FAT3: variants seen among roughly 807,000 people sequenced by gnomAD.
FAT3 encodes protocadherin Fat 3.
FAT3 carries 95 observed loss-of-function variants against 310.2 expected under a neutral mutation model. That is an observed-to-expected ratio of 0.31 (90% confidence interval 0.26 to 0.36). FAT3 has a LOEUF of 0.36. Among genes scored for constraint, FAT3 ranks in the 10% least tolerant of loss-of-function variants. The probability of loss-of-function intolerance (pLI) is 1.00; values close to 1 mark genes in which losing one functional copy is unlikely to be tolerated. For synonymous variants in FAT3, 2,314 were observed against 2,192.9 expected, an observed-to-expected ratio of 1.06 and a Z score of -1.54; for missense variants, 5,408 against 5,715.6, an observed-to-expected ratio of 0.95 and a Z score of 1.74.
At position 92,850,430 on chromosome 11, in the gene FAT3, G is replaced by A. The variant is rs77399080; in HGVS notation, c.11365+5698G>A. On this transcript the variant is annotated intron_variant, in intron 19 of 27. Transcript: ENST00000525166. ...GAGGTCTTGAATGAAATTGCACTTG[G>A]CCTTTAGTGAAATCATACAGAAAAT... Among the ~76,000 whole-genome samples the A allele has an allele frequency of 7.1e-3, 1,075 of 152,216 alleles. 6 individuals carry two copies. Among genetic ancestry groups the A allele is most frequent in the African/African-American group, 0.024 (1,010 of 41,522 alleles).
chr11:92,636,552 TAAA>T (rs1314007181), intron 3 of FAT3, among the ~76,000 whole-genome samples: 1 of 152,154 alleles, frequency 6.6e-6, no homozygotes, highest in Non-Finnish European at 1.5e-5. Context: ...TAGTAGCTCT[TAAA>T]AAAACATTTT....
chr11:92,507,189 G>A (rs529529708), intron 2 of FAT3, among the ~76,000 whole-genome samples: 25 of 152,132 alleles, frequency 1.6e-4, no homozygotes, highest in African/African-American at 2.9e-4. Context: ...AATACAAGGC[G>A]GGATGTGTGT....
At chr11:92,421,368 A>G (rs779295792) in intron 2 of FAT3, among the ~76,000 whole-genome samples, 2 of 152,304 alleles carry the variant, frequency 1.3e-5, no homozygotes, top group East Asian at 3.9e-4. Context: ...AAATTAGAGA[A>G]GATGTCTGGT....
chr11:92,888,346 T>G (rs1166047441), intron 25 of FAT3, among the ~76,000 whole-genome samples: 1 of 152,146 alleles, frequency 6.6e-6, no homozygotes, highest in African/African-American at 2.4e-5. Flanking sequence ...GTTTGCACTT[T>G]ATATAGAAAT....
At chr11:92,400,608 C>A (rs1231659932) in intron 2 of FAT3, 2 of 151,864 alleles carry the variant, frequency 1.3e-5, no homozygotes. Flanking sequence ...TTCTTATAAA[C>A]AGCGCTATGA....
At chr11:92,818,212 T>C (rs1159206396) in intron 13 of FAT3, among the ~76,000 whole-genome samples, 1 of 152,038 alleles carries the variant, frequency 6.6e-6, no homozygotes, top group African/African-American at 2.4e-5. Context: ...AGGAAAACAA[T>C]ATACATTCAG....
At chr11:92,722,696 A>G (rs1944898263) in intron 4 of FAT3, among the ~76,000 whole-genome samples, 1 of 152,086 alleles carries the variant, frequency 6.6e-6, no homozygotes, top group Non-Finnish European at 1.5e-5. Context: ...ATTTCTCTAT[A>G]TCTTCTGAAA....
chr11:92,891,144 G>A lies in FAT3; in HGVS notation c.*31G>A, dbSNP rs1949910919. ...ACATCTTGGGTACTTCACCCTGTTTGTTACAGAAAAGTGGAAGCAGATTGG... is the reference window on the plus strand; with the variant it reads ...ACATCTTGGGTACTTCACCCTGTTTATTACAGAAAAGTGGAAGCAGATTGG... On this transcript the variant is annotated 3_prime_UTR_variant, in exon 28 of 28. Transcript: ENST00000525166. 3 of 1,601,730 alleles carry A rather than the reference G, an allele frequency of 1.9e-6. 1 individual carries two copies.
chr11:92,698,641 A>G (rs1267796740), intron 4 of FAT3, among the ~76,000 whole-genome samples: 1 of 152,184 alleles, frequency 6.6e-6, no homozygotes, highest in Non-Finnish European at 1.5e-5. Flanking sequence ...ATCCTTTTAA[A>G]ACATTACTAT....
At chr11:92,479,927 G>A (rs1407686917) in intron 2 of FAT3, among the ~76,000 whole-genome samples, 4 of 152,116 alleles carry the variant, frequency 2.6e-5, no homozygotes, top group South Asian at 4.2e-4. Context: ...ACAGTGCTAC[G>A]GTGGGAATCC....
chr11:92,512,585 A>G lies in FAT3; in HGVS notation c.3293-12049A>G, dbSNP rs1037280108. Among the ~76,000 whole-genome samples the G allele has an allele frequency of 1.6e-4, 24 of 147,290 alleles. 1 individual carries two copies. Among genetic ancestry groups the G allele is most frequent in the Admixed American group, 1.2e-3 (18 of 14,674 alleles). ...TATATAAATTATATTTTAAATTTTT[A>G]TATATTAAATATGTTTTAATGTATA... On this transcript the variant is annotated intron_variant, in intron 2 of 27. Coordinates refer to ENST00000525166, the MANE Select transcript of FAT3 (RefSeq NM_001367949.2).
At chr11:92,446,265 T>C (rs1256617410) in intron 2 of FAT3, among the ~76,000 whole-genome samples, 1 of 152,210 alleles carries the variant, frequency 6.6e-6, no homozygotes, top group Non-Finnish European at 1.5e-5. Flanking sequence ...TACTATTCCC[T>C]AGTATACATG....
intron 3 of FAT3, among the ~76,000 whole-genome samples, chr11:92,639,938 T>C (rs976281676): frequency 1.3e-5 from 2 of 152,130 alleles, no homozygotes; most frequent in South Asian, 4.1e-4. Flanking sequence ...CCATGGACAA[T>C]GCCAGGCCAG....
intron 1 of FAT3, chr11:92,314,198 A>G (rs1947378085): frequency 1.9e-6 from 1 of 516,086 alleles, no homozygotes; most frequent in Non-Finnish European, 2.5e-6. Flanking sequence ...TACTTGGTCC[A>G]ATCCTAGGAA....
intron 3 of FAT3, among the ~76,000 whole-genome samples, chr11:92,582,497 T>A (rs558523262): frequency 6.6e-6 from 1 of 152,178 alleles, no homozygotes; most frequent in Admixed American, 6.6e-5. Flanking sequence ...TATATTTTAA[T>A]TTGATAATTC....
chr11:92,460,739 A>G (rs944010712), intron 2 of FAT3, among the ~76,000 whole-genome samples: 2 of 152,184 alleles, frequency 1.3e-5, no homozygotes, highest in Non-Finnish European at 2.9e-5. Context: ...CACATGCACA[A>G]CACATGCACC....
intron 3 of FAT3, among the ~76,000 whole-genome samples, chr11:92,539,596 A>G (rs1170996774): frequency 1.3e-5 from 2 of 152,178 alleles, no homozygotes; most frequent in Non-Finnish European, 2.9e-5. Flanking sequence ...CAGGCTGTTT[A>G]CAAGACAAAA....
chr11:92,590,534 C>T (rs192720805), intron 3 of FAT3, among the ~76,000 whole-genome samples: 35 of 152,214 alleles, frequency 2.3e-4, no homozygotes, highest in African/African-American at 7.5e-4. Flanking sequence ...TACAGTTTCT[C>T]ATAATAAAAG....
chr11:92,253,009 C>T (rs549087163), intron 1 of FAT3, among the ~76,000 whole-genome samples: 1 of 152,234 alleles, frequency 6.6e-6, no homozygotes, highest in East Asian at 1.9e-4. Context: ...TTGACTATCA[C>T]ACTGAGACCA....
Sources: gnomAD v4.1 joint callset for allele counts (sites outside exome capture counted in the v4.1 genomes callset) on GRCh38, gnomAD v4.1.1 for gene constraint, MANE v1.5 for transcripts, NCBI Gene and HGNC (gene_info 2026-07-23, HGNC 2026-07-21) for gene names.